The following PPP3CB variants were observed in gnomAD, a reference collection of about 807,000 sequenced individuals.
PPP3CB encodes the protein protein phosphatase 3 catalytic subunit beta.
PPP3CB carries 8 observed loss-of-function variants against 66.4 expected under a neutral mutation model. That is an observed-to-expected ratio of 0.12 (90% CI 0.07 to 0.22). The LOEUF is 0.22. Among genes scored for constraint, PPP3CB ranks in the 10% least tolerant of loss-of-function variants. PPP3CB has a pLI of 1.00. For missense variants in PPP3CB, 319 were observed against 642.5 expected (o/e 0.50, Z 5.44); for synonymous variants, 208 against 221.2 (o/e 0.94, Z 0.53).
chr10:73,486,339 CTT>C (rs998885838), intron 1 of PPP3CB, among the ~76,000 whole-genome samples: 2 of 114,944 alleles, frequency 1.7e-5, no homozygotes, highest in Non-Finnish European at 3.4e-5. Context: ...GAGTTTTGCT[CTT>C]GTTGCCCAGG....
intron 1 of PPP3CB, among the ~76,000 whole-genome samples, chr10:73,485,953 T>TGTGTGTGTGTG (rs577772189): frequency 3.6e-5 from 5 of 140,466 alleles, no homozygotes; most frequent in African/African-American, 2.8e-5. Context: ...TGTGTGTGTA[T>TGTGTGTGTGTG]TTTTTTTTTT....
chr10:73,451,138 C>G (rs1202305222), intron 10 of PPP3CB, among the ~76,000 whole-genome samples: 2 of 151,878 alleles, frequency 1.3e-5, no homozygotes, highest in Non-Finnish European at 2.9e-5. Flanking sequence ...AAGAAGAGGA[C>G]TAAAGCATTA....
intron 1 of PPP3CB, among the ~76,000 whole-genome samples, chr10:73,486,223 C>A (rs1046777604): frequency 2.7e-5 from 4 of 150,864 alleles, no homozygotes; most frequent in Non-Finnish European, 5.9e-5. Flanking sequence ...GGATTACAGG[C>A]GTGAGCCACC....
At chr10:73,492,345 T>A (rs2057092787) in intron 1 of PPP3CB, among the ~76,000 whole-genome samples, 1 of 152,316 alleles carries the variant, frequency 6.6e-6, no homozygotes, top group South Asian at 2.1e-4. Context: ...CAAGAGACAA[T>A]CCAGCTTTAC....
At chr10:73,457,998 G>A (rs1454227586) in intron 9 of PPP3CB, among the ~76,000 whole-genome samples, 2 of 152,112 alleles carry the variant, frequency 1.3e-5, no homozygotes, top group Non-Finnish European at 2.9e-5. Flanking sequence ...AGGTGTGGAA[G>A]ATGAAATTAC....
At chr10:73,484,428 G>A (rs952648501) in intron 1 of PPP3CB, among the ~76,000 whole-genome samples, 1 of 151,604 alleles carries the variant, frequency 6.6e-6, no homozygotes, top group Non-Finnish European at 1.5e-5. Flanking sequence ...CTGCCACCAC[G>A]CCCAGCTAAT....
chr10:73,482,579 C>T (rs1397505667), intron 1 of PPP3CB, among the ~76,000 whole-genome samples: 2 of 143,706 alleles, frequency 1.4e-5, no homozygotes, highest in Admixed American at 6.9e-5. Context: ...GACTCAGTCT[C>T]TAAAAAAAAA....
chr10:73,448,305 C>T (rs537336211), intron 10 of PPP3CB, among the ~76,000 whole-genome samples: 90 of 152,262 alleles, frequency 5.9e-4, no homozygotes, highest in Admixed American at 9.2e-4. Context: ...TCTACAAACA[C>T]ATCATGCATC....
At chr10:73,477,853 G>T (rs1384018336) in intron 3 of PPP3CB, among the ~76,000 whole-genome samples, 2 of 151,978 alleles carry the variant, frequency 1.3e-5, no homozygotes, top group African/African-American at 4.8e-5. Flanking sequence ...AGAGGTCAAG[G>T]CTACATTGAG....
intron 1 of PPP3CB, among the ~76,000 whole-genome samples, chr10:73,486,841 C>T (rs904594235): frequency 1.3e-5 from 2 of 152,180 alleles, no homozygotes; most frequent in Non-Finnish European, 2.9e-5. Context: ...AGATTCATGC[C>T]TTCTGGCTAG....
chr10:73,447,707 AAAAG>A (rs1197726807), intron 10 of PPP3CB, among the ~76,000 whole-genome samples: 1 of 152,234 alleles, frequency 6.6e-6, no homozygotes, highest in Non-Finnish European at 1.5e-5. Flanking sequence ...AGAAAAGAGA[AAAAG>A]AAATCCAACT....
chr10:73,482,288 T>C (rs908791450), intron 1 of PPP3CB, among the ~76,000 whole-genome samples: 12 of 151,908 alleles, frequency 7.9e-5, no homozygotes, highest in African/African-American at 2.9e-4. Flanking sequence ...CTCACGCCTG[T>C]AATCCCAGCA....
chr10:73,471,748 G>A lies in PPP3CB; in HGVS notation c.524-135C>T, dbSNP rs539485517. 810 of 690,200 alleles carry A rather than the reference G, an allele frequency of 1.2e-3. 11 individuals are homozygous for A. In the South Asian group the frequency reaches 0.013, roughly 11 times the overall value. The allele number at this position is 690,200 out of a possible 1,614,324, so 42.8% of individuals were successfully genotyped here. A position where few individuals can be genotyped will look rare whatever the true frequency, so the allele number is the denominator to read the frequency against. On this transcript the variant is annotated intron_variant, in intron 4 of 13. Transcript: ENST00000360663. ...TTATAGCTATTTATAATGAAATTGA[G>A]ATAGTTACAGTTTCAACTGTAGTAA...
chr10:73,482,571 C>G (rs1270801903), intron 1 of PPP3CB, among the ~76,000 whole-genome samples: 5 of 141,164 alleles, frequency 3.5e-5, no homozygotes, highest in African/African-American at 1.3e-4. Context: ...AAAAAAGAGA[C>G]TCAGTCTCTA....
At chr10:73,469,487 G>A (rs900181781) in intron 8 of PPP3CB, among the ~76,000 whole-genome samples, 7 of 152,110 alleles carry the variant, frequency 4.6e-5, no homozygotes, top group African/African-American at 1.4e-4. Context: ...TGTAGCAGTC[G>A]GCCGAGACTG....
intron 10 of PPP3CB, among the ~76,000 whole-genome samples, chr10:73,447,708 A>G (rs1480345115): frequency 6.6e-6 from 1 of 152,216 alleles, no homozygotes; most frequent in Non-Finnish European, 1.5e-5. Flanking sequence ...GAAAAGAGAA[A>G]AAGAAATCCA....
intron 1 of PPP3CB, among the ~76,000 whole-genome samples, chr10:73,483,275 G>C (rs531641990): frequency 6.6e-6 from 1 of 152,154 alleles, no homozygotes; most frequent in African/African-American, 2.4e-5. Flanking sequence ...GTAGAAAAAC[G>C]TCACCTACTC....
chr10:73,441,925 A>T (rs1348714704), intron 12 of PPP3CB, among the ~76,000 whole-genome samples: 1 of 152,226 alleles, frequency 6.6e-6, no homozygotes, highest in East Asian at 1.9e-4. Context: ...ACAAATAGGC[A>T]CGAGGTCTTA....
At chr10:73,486,641 A>C (rs2056983467) in intron 1 of PPP3CB, among the ~76,000 whole-genome samples, 1 of 152,096 alleles carries the variant, frequency 6.6e-6, no homozygotes, top group Admixed American at 6.5e-5. Flanking sequence ...TACTGTCTTC[A>C]TCTCTCTAGT....
Sources: gnomAD v4.1 joint callset for allele counts (sites outside exome capture counted in the v4.1 genomes callset) on GRCh38, gnomAD v4.1.1 for gene constraint, MANE v1.5 for transcripts, NCBI Gene and HGNC (gene_info 2026-07-23, HGNC 2026-07-21) for gene names.